PIGU: variants seen among roughly 807,000 people sequenced by gnomAD.
PIGU encodes GPI-anchor transamidase component PIGU.
A neutral mutation model predicts 49.9 loss-of-function variants in PIGU; 24 were observed. The ratio of observed to expected loss-of-function variants is 0.48; its 90% CI spans 0.35 to 0.68. The LOEUF is 0.68. PIGU is among the 30% of genes least tolerant of loss of function. PIGU has a pLI of 0.01. For missense variants in PIGU, 490 were observed against 532.6 expected (o/e 0.92, Z 0.79); for synonymous variants, 220 against 205.7 (o/e 1.07, Z -0.59).
rs138389505 is a variant in PIGU at position 34,616,052 on chromosome 20, T to G, written c.617A>C (p.Tyr206Ser). The G allele has an allele frequency of 6.2e-7, 1 of 1,610,746 alleles. No homozygotes were observed. The highest frequency in any genetic ancestry group is 8.5e-7 in the Non-Finnish European group (1 of 1,178,768). Residue 206 changes from tyrosine to serine, a missense_variant, in exon 7 of 12, where the codon TAT (tyrosine) becomes TCT (serine). Physicochemically the swap from Tyr to Ser is moderately radical, Grantham distance 144 (BLOSUM62 -2). Coordinates refer to ENST00000217446, the MANE Select transcript of PIGU (RefSeq NM_080476.5). Reference protein sequence around the residue: ...PLTLFVPGLLYLLQRQYIPVK... With the variant: ...PLTLFVPGLLSLLQRQYIPVK... ...CCAGCAAGTGCTTACCTGGAGGAGA[T>G]AGAGGAGTCCTGGGACAAACAAGGT...
At chr20:34,640,490 TGC>T (rs1986115937) in intron 4 of PIGU, among the ~76,000 whole-genome samples, 1 of 100,682 alleles carries the variant, frequency 9.9e-6, no homozygotes. Flanking sequence ...TACACACATG[TGC>T]GCACGCGCAC....
In PIGU at chr20:34,560,904, C is replaced by T. The variant is rs531421778; in HGVS notation, c.1270G>A (p.Ala424Thr). 3.2e-5 allele frequency: 52 copies of T among 1,612,008 alleles called. No individual in the cohort carries two copies. The highest frequency in any genetic ancestry group is 2.0e-4 in the Admixed American group (12 of 59,886). Residue 424 changes from alanine to threonine, a missense_variant, in exon 12 of 12, where the codon GCC becomes ACC. Physicochemically the swap from Ala to Thr is moderately conservative, Grantham distance 58. Coordinates refer to ENST00000217446, the MANE Select transcript of PIGU (RefSeq NM_080476.5). ...AGCATGGCCTCTGTGCCATCCTTGG[C>T]GGTCAAGTAGAGGCCATGTGTGAGG... ...YYLTHGLYLT[A>T]KDGTEAMLVL...
chr20:34,565,995 G>A (rs550743703), intron 11 of PIGU, among the ~76,000 whole-genome samples: 1 of 151,354 alleles, frequency 6.6e-6, no homozygotes, highest in South Asian at 2.1e-4. Context: ...ATGCAAGCTT[G>A]CAATGCTTAG....
intron 1 of PIGU, among the ~76,000 whole-genome samples, chr20:34,669,668 A>AG: frequency 6.7e-6 from 1 of 149,002 alleles, no homozygotes; most frequent in African/African-American, 2.5e-5. Flanking sequence ...CTCTGGCTGA[A>AG]AAAAAAAAAA....
intron 11 of PIGU, 26 bp from the exon 12 acceptor site, chr20:34,561,005 C>T (rs371491237): frequency 1.3e-5 from 19 of 1,516,964 alleles, no homozygotes; most frequent in African/African-American, 6.9e-5. Flanking sequence ...GGGTGTGAGG[C>T]GCTGCTGGGT....
intron 2 of PIGU, among the ~76,000 whole-genome samples, chr20:34,656,667 C>G (rs1226638404): frequency 6.7e-6 from 1 of 148,890 alleles, no homozygotes; most frequent in Admixed American, 6.8e-5. Flanking sequence ...TAAGGAGGCT[C>G]AAGTAGGAGG....
intron 7 of PIGU, among the ~76,000 whole-genome samples, chr20:34,589,404 A>G (rs1251379837): frequency 6.6e-6 from 1 of 152,236 alleles, no homozygotes; most frequent in Admixed American, 6.5e-5. Context: ...GCCAAGGTAG[A>G]GTGCAGTGGC....
chr20:34,656,277 A>ACTATTCTTAAGAGC, intron 2 of PIGU, among the ~76,000 whole-genome samples: 2 of 69,276 alleles, frequency 2.9e-5, no homozygotes, highest in East Asian at 4.0e-4. Context: ...TGGCCTGTTT[A>ACTATTCTTAAGAGC]TAATTTTTTT....
At position 34,563,954 on chromosome 20, in the gene PIGU, G is replaced by A. The variant is rs116140717; in HGVS notation, c.1195-2975C>T. On this transcript the variant is annotated intron_variant, in intron 11 of 11. Coordinates refer to ENST00000217446, the MANE Select transcript of PIGU (RefSeq NM_080476.5). Reference sequence around the variant, plus strand: ...TCTAAAAACCCACAACCCCAGGATAGTCCTAAGAAAAGCATCAGACAAACC... The same window carrying A: ...TCTAAAAACCCACAACCCCAGGATAATCCTAAGAAAAGCATCAGACAAACC... 8.1e-3 allele frequency among the ~76,000 whole-genome samples: 1,237 copies of A among 152,294 alleles called. 21 individuals carry two copies. Among genetic ancestry groups the A allele is most frequent in the African/African-American group, 0.029 (1,186 of 41,544 alleles).
rs766658684 is a variant in PIGU, at chr20:34,677,083, CATG to C, written c.-1_2del. The C allele has an allele frequency of 8.3e-6, 13 of 1,561,702 alleles. No homozygotes were observed. The highest frequency in any genetic ancestry group is 3.5e-5 in the South Asian group (3 of 84,896). On this transcript the variant is annotated start_lost and start_retained_variant and 5_prime_UTR_variant, in exon 1 of 12. Coordinates refer to ENST00000217446, the MANE Select transcript of PIGU (RefSeq NM_080476.5). ...CCAGCACCAGGACCAAGGGAGCCGCCATGATAACTGGGGCGGGCGCGCGGGCGG... is the reference window on the plus strand; with the variant it reads ...CCAGCACCAGGACCAAGGGAGCCGCCATAACTGGGGCGGGCGCGCGGGCGG...
In PIGU at chr20:34,575,304, G is replaced by C. The variant is rs1983180394; in HGVS notation, c.1052-58C>G. Reference sequence around the variant, plus strand: ...ACGCTCTCTCTGGCATGCTTTCCCTGCTGCAATGGCCCCCCTGAATGGAGA... The same window carrying C: ...ACGCTCTCTCTGGCATGCTTTCCCTCCTGCAATGGCCCCCCTGAATGGAGA... On this transcript the variant is annotated intron_variant, in intron 10 of 11. Coordinates refer to ENST00000217446, the MANE Select transcript of PIGU (RefSeq NM_080476.5). 8.9e-6 allele frequency: 14 copies of C among 1,574,494 alleles called. No homozygotes were observed. In the South Asian group the frequency reaches 1.6e-4, roughly 18 times the overall value.
intron 1 of PIGU, among the ~76,000 whole-genome samples, chr20:34,658,777 T>C (rs1343063824): frequency 3.5e-5 from 5 of 143,152 alleles, no homozygotes; most frequent in Admixed American, 1.4e-4. Flanking sequence ...GTCTGAGAAG[T>C]GAGGAGCCCC....
chr20:34,628,512 T>C (rs747679356), intron 6 of PIGU, among the ~76,000 whole-genome samples: 1 of 152,068 alleles, frequency 6.6e-6, no homozygotes, highest in Non-Finnish European at 1.5e-5. Flanking sequence ...CATACATTGG[T>C]TAAAGAATTT....
At chr20:34,590,017 T>C (rs1188351769) in intron 7 of PIGU, among the ~76,000 whole-genome samples, 9 of 151,684 alleles carry the variant, frequency 5.9e-5, no homozygotes, top group Admixed American at 5.9e-4. Context: ...AATCTTAATA[T>C]CTGTTTAGTT....
intron 5 of PIGU, among the ~76,000 whole-genome samples, chr20:34,637,475 C>T (rs1986004150): frequency 6.6e-6 from 1 of 152,152 alleles, no homozygotes; most frequent in Non-Finnish European, 1.5e-5. Flanking sequence ...GTTTTATAAG[C>T]TACAAATGGA....
chr20:34,601,190 T>A (rs1685519498), intron 7 of PIGU, among the ~76,000 whole-genome samples: 1 of 152,206 alleles, frequency 6.6e-6, no homozygotes, highest in Non-Finnish European at 1.5e-5. Flanking sequence ...GTGCTCTCAG[T>A]GTTAGACTGG....
intron 1 of PIGU, among the ~76,000 whole-genome samples, chr20:34,675,680 A>G (rs1346141150): frequency 6.6e-6 from 1 of 152,186 alleles, no homozygotes; most frequent in East Asian, 1.9e-4. Context: ...CCCATTCATT[A>G]TGCCGTTCCC....
At chr20:34,623,044 G>A (rs1312880019) in intron 6 of PIGU, among the ~76,000 whole-genome samples, 1 of 152,138 alleles carries the variant, frequency 6.6e-6, no homozygotes, top group African/African-American at 2.4e-5. Context: ...TGGGTGGGTG[G>A]CACAGCTACA....
chr20:34,584,548 G>C (rs1159521450), intron 9 of PIGU, among the ~76,000 whole-genome samples: 1 of 121,130 alleles, frequency 8.3e-6, no homozygotes, highest in Non-Finnish European at 1.6e-5. Context: ...ACTTCCGCCT[G>C]TCATCCAGGC....
Sources: gnomAD v4.1 joint callset for allele counts (sites outside exome capture counted in the v4.1 genomes callset) on GRCh38, gnomAD v4.1.1 for gene constraint, MANE v1.5 for transcripts, NCBI Gene and HGNC (gene_info 2026-07-23, HGNC 2026-07-21) for gene names.